Variants in MCTP1 observed in about 807,000 individuals in gnomAD.
MCTP1 encodes the protein multiple C2 and transmembrane domain-containing protein 1.
MCTP1 carries 69 observed loss-of-function variants against 120.6 expected under a neutral mutation model. That is an observed-to-expected ratio of 0.57 (90% CI 0.47 to 0.70). MCTP1 has a LOEUF of 0.70. Ranked by LOEUF, MCTP1 falls within the 30% of genes least tolerant of loss-of-function variation. The pLI is 0.00. For missense variants in MCTP1, 1,203 were observed against 1,248.8 expected (o/e 0.96, Z 0.55); for synonymous variants, 529 against 493.1 (o/e 1.07, Z -0.96).
chr5:94,756,557 C>A (rs1769939437), intron 19 of MCTP1, among the ~76,000 whole-genome samples: 1 of 152,162 alleles, frequency 6.6e-6, no homozygotes, highest in African/African-American at 2.4e-5. Context: ...GAATTATACA[C>A]ATAGAAAGCC....
At chr5:95,258,611 A>G (rs1758135538) in intron 1 of MCTP1, among the ~76,000 whole-genome samples, 1 of 152,234 alleles carries the variant, frequency 6.6e-6, no homozygotes, top group Admixed American at 6.5e-5. Context: ...TAACAAATGT[A>G]CTACAGTCAT....
chr5:95,203,658 T>C (rs1469940439), intron 1 of MCTP1, among the ~76,000 whole-genome samples: 1 of 152,202 alleles, frequency 6.6e-6, no homozygotes, highest in Non-Finnish European at 1.5e-5. Flanking sequence ...AGTTAGTAAG[T>C]ACATGAGTGA....
At chr5:95,190,727 T>C (rs1279505047) in intron 1 of MCTP1, among the ~76,000 whole-genome samples, 1 of 152,098 alleles carries the variant, frequency 6.6e-6, no homozygotes, top group Non-Finnish European at 1.5e-5. Context: ...AGAATTCACC[T>C]AAAACATAAA....
intron 17 of MCTP1, among the ~76,000 whole-genome samples, chr5:94,863,693 A>G (rs578034916): frequency 2.0e-5 from 3 of 152,010 alleles, no homozygotes; most frequent in Admixed American, 2.0e-4. Flanking sequence ...GTTGTTTAAT[A>G]GCAGCAGACT....
intron 17 of MCTP1, among the ~76,000 whole-genome samples, chr5:94,814,064 A>G (rs1487959650): frequency 6.6e-6 from 1 of 152,202 alleles, no homozygotes. Flanking sequence ...TCAGTCATGA[A>G]GGATCCTCTG....
intron 6 of MCTP1, chr5:94,929,511 G>T (rs1400832504): frequency 2.4e-6 from 1 of 421,344 alleles, no homozygotes; most frequent in South Asian, 1.0e-4. Flanking sequence ...AATAAAAAAC[G>T]AAAAATCTGT....
chr5:94,912,880 T>C lies in MCTP1; in HGVS notation c.1447A>G (p.Lys483Glu). The change falls in exon 9 of 23, where the codon AAG (lysine) becomes GAG (glutamate). Residue 483 changes from lysine to glutamate, a missense_variant. Coordinates refer to ENST00000515393, the MANE Select transcript of MCTP1 (RefSeq NM_024717.7). ...CTCAACCCGTTGGAATCCATGGCCT[T>C]GAGGTCTCTCCCTTCAATCAAGGTG... is the stretch of plus-strand genomic sequence containing the variant. ...SITLIEGRDL[K>E]AMDSNGLSDP... is the part of the protein sequence containing the mutation. The C allele has an allele frequency of 6.2e-7, 1 of 1,601,188 alleles. No homozygotes were observed. The highest frequency in any genetic ancestry group is 8.5e-7 in the Non-Finnish European group (1 of 1,174,516).
At chr5:95,094,891 A>G (rs1305155369) in intron 1 of MCTP1, among the ~76,000 whole-genome samples, 1 of 151,966 alleles carries the variant, frequency 6.6e-6, no homozygotes, top group Non-Finnish European at 1.5e-5. Context: ...TAGTATACAA[A>G]CACTCCTAAA....
At chr5:94,923,799 A>G (rs1812311984) in intron 7 of MCTP1, among the ~76,000 whole-genome samples, 163 bp downstream of exon 7, 1 of 152,196 alleles carries the variant, frequency 6.6e-6, no homozygotes, top group Non-Finnish European at 1.5e-5. Flanking sequence ...TAGAAATAAA[A>G]GTGAGTTACC....
intron 2 of MCTP1, among the ~76,000 whole-genome samples, chr5:94,982,473 A>G (rs1330124479): frequency 6.6e-6 from 1 of 152,164 alleles, no homozygotes; most frequent in Admixed American, 6.5e-5. Flanking sequence ...AGAATTCTAA[A>G]ATGTACCCCC....
intron 1 of MCTP1, among the ~76,000 whole-genome samples, chr5:95,197,271 T>C (rs1473751351): frequency 6.6e-6 from 1 of 152,230 alleles, no homozygotes; most frequent in African/African-American, 2.4e-5. Context: ...ACTGATAAGA[T>C]TATATCTGCT....
At chr5:94,807,626 G>T (rs542167226) in intron 17 of MCTP1, among the ~76,000 whole-genome samples, 2 of 152,122 alleles carry the variant, frequency 1.3e-5, no homozygotes, top group African/African-American at 4.8e-5. Context: ...CAAACATTTC[G>T]ATGCTGAGCT....
At chr5:95,041,279 C>A in intron 1 of MCTP1, among the ~76,000 whole-genome samples, 1 of 129,354 alleles carries the variant, frequency 7.7e-6, no homozygotes, top group Admixed American at 8.9e-5. Context: ...GAGATTCAAA[C>A]TATTCTGTCT....
intron 1 of MCTP1, among the ~76,000 whole-genome samples, chr5:95,150,959 G>A (rs1760841715): frequency 6.6e-6 from 1 of 151,866 alleles, no homozygotes; most frequent in Non-Finnish European, 1.5e-5. Flanking sequence ...AGTAAAGTAA[G>A]CATAAGAAAA....
intron 2 of MCTP1, among the ~76,000 whole-genome samples, chr5:94,983,388 G>C (rs934615386): frequency 1.3e-5 from 2 of 152,328 alleles, no homozygotes; most frequent in Admixed American, 1.3e-4. Flanking sequence ...TATTTATGGT[G>C]TAGTTAGAGG....
chr5:95,283,880 C>T lies in MCTP1; in HGVS notation c.696G>A (p.Thr232=), dbSNP rs890744439. The T allele has an allele frequency of 2.2e-6, 3 of 1,379,444 alleles. No homozygotes were observed. The highest frequency in any genetic ancestry group is 3.1e-5 in the African/African-American group (2 of 65,170). The allele number at this position is 1,379,444 out of a possible 1,614,324, so 85.5% of individuals were successfully genotyped here. A position where few individuals can be genotyped will look rare whatever the true frequency, so the allele number is the denominator to read the frequency against. ...CCTGGCTGCTGCCGTGCTCCTCGCC[C>T]GTCTCCGGGGCCCGAGACTCCGCGG... ...RSPAESRAPE[T]GEEHGSSQKI... is the part of the protein sequence containing the mutation. The change falls in exon 1 of 23, where the codon ACG becomes ACA. Residue 232 remains threonine (T), a synonymous_variant. Coordinates refer to ENST00000515393, the MANE Select transcript of MCTP1 (RefSeq NM_024717.7).
At chr5:94,757,154 C>T (rs1350753670) in intron 19 of MCTP1, among the ~76,000 whole-genome samples, 2 of 152,132 alleles carry the variant, frequency 1.3e-5, no homozygotes, top group Non-Finnish European at 2.9e-5. Context: ...TAGTGCTGAG[C>T]AAATAATTCC....
At chr5:95,142,336 C>T (rs1760001988) in intron 1 of MCTP1, among the ~76,000 whole-genome samples, 1 of 152,048 alleles carries the variant, frequency 6.6e-6, no homozygotes, top group Admixed American at 6.5e-5. Context: ...GAGCTGTCTG[C>T]CAAGAAATAA....
chr5:95,211,782 C>A (rs184017592), intron 1 of MCTP1, among the ~76,000 whole-genome samples: 42 of 152,276 alleles, frequency 2.8e-4, no homozygotes, highest in Admixed American at 1.2e-3. Flanking sequence ...TTTTTCTGCT[C>A]TGTTTTTCCC....
Sources: allele counts gnomAD v4.1 joint callset (sites outside exome capture counted in the v4.1 genomes callset), GRCh38; gene constraint gnomAD v4.1.1; transcripts MANE v1.5; gene names NCBI Gene and HGNC (gene_info 2026-07-23, HGNC 2026-07-21).